Variants in FBN1 observed in about 807,000 individuals in gnomAD.
The protein encoded by FBN1 is fibrillin 1, also known as fibrillin-1.
Under a neutral mutation model 365.1 loss-of-function variants are expected in FBN1, and 29 were observed. That is an observed-to-expected ratio of 0.08 (90% CI 0.06 to 0.11). The LOEUF (loss-of-function observed/expected upper bound fraction) is 0.11. FBN1 is among the 10% of genes least tolerant of loss of function. The pLI is 1.00. For missense variants in FBN1, 2,476 were observed against 3,703.2 expected (o/e 0.67, Z 8.60); for synonymous variants, 1,210 against 1,270.5 (o/e 0.95, Z 1.01).
Position 48,409,779 on chromosome 15 carries a change from G to A in FBN1, c.*1211C>T, listed in dbSNP as rs2042845836. On this transcript the variant is annotated 3_prime_UTR_variant, in exon 66 of 66. Coordinates refer to ENST00000316623, the MANE Select transcript of FBN1 (RefSeq NM_000138.5). The stretch of plus-strand genomic sequence containing the variant: ...GTGCTCTAAGACAATGACTGAACTT[G>A]GTATTTAAGACTATTTAAAAGTCAC... The A allele has an allele frequency of 6.6e-6, 1 of 152,046 alleles. No homozygotes were observed. Among genetic ancestry groups the A allele is most frequent in the South Asian group, 2.1e-4 (1 of 4,826 alleles). 9.4% of individuals were successfully genotyped at this position (152,046 alleles called of 1,614,324 possible).
chr15:48,526,084 G>A (rs1472143632), intron 9 of FBN1, 46 bp downstream of exon 9: 1 of 1,611,994 alleles, frequency 6.2e-7, no homozygotes, highest in Non-Finnish European at 8.5e-7. Flanking sequence ...GTTTGTTATG[G>A]AACTGACTTA....
At chr15:48,431,383 G>A (rs1440417157) in intron 55 of FBN1, among the ~76,000 whole-genome samples, 1 of 151,730 alleles carries the variant, frequency 6.6e-6, no homozygotes, top group Non-Finnish European at 1.5e-5. Context: ...TTACAGGCAT[G>A]AGCCATCGTG....
intron 31 of FBN1, among the ~76,000 whole-genome samples, chr15:48,482,713 A>T (rs2043474607): frequency 6.6e-6 from 1 of 152,228 alleles, no homozygotes; most frequent in Admixed American, 6.5e-5. Flanking sequence ...TTCTGCAAGT[A>T]TTCAGATGAG....
At chr15:48,562,049 C>T (rs116629401) in intron 6 of FBN1, among the ~76,000 whole-genome samples, 13 of 152,224 alleles carry the variant, frequency 8.5e-5, no homozygotes, top group East Asian at 1.9e-4. Flanking sequence ...CCAATCATGA[C>T]GTAAGTTGTC....
chr15:48,534,700 C>G (rs775102282), intron 7 of FBN1, among the ~76,000 whole-genome samples: 1 of 152,158 alleles, frequency 6.6e-6, no homozygotes, highest in Non-Finnish European at 1.5e-5. Flanking sequence ...TCAGACTACA[C>G]GAGACAGCTA....
At chr15:48,450,065 C>T (rs1420987308) in intron 45 of FBN1, among the ~76,000 whole-genome samples, 2 of 152,204 alleles carry the variant, frequency 1.3e-5, no homozygotes, top group Non-Finnish European at 2.9e-5. Context: ...GGAACTACTA[C>T]TAGCCTATGC....
chr15:48,447,030 T>C lies in FBN1; in HGVS notation c.5672-208A>G, dbSNP rs1230680584. ...TAAATCTTGGGAATAAATGGTTTCC[T>C]TGGCTGGCCAGTGAAAGGAGGCAAG... On this transcript the variant is annotated intron_variant, in intron 46 of 65. Coordinates refer to ENST00000316623, the MANE Select transcript of FBN1 (RefSeq NM_000138.5). Among the ~76,000 whole-genome samples the C allele has an allele frequency of 2.0e-5, 3 of 152,270 alleles. No homozygotes were observed. In the East Asian group the frequency reaches 5.8e-4, roughly 29 times the overall value.
At chr15:48,628,865 T>C (rs1889934310) in intron 2 of FBN1, among the ~76,000 whole-genome samples, 1 of 152,062 alleles carries the variant, frequency 6.6e-6, no homozygotes, top group Non-Finnish European at 1.5e-5. Context: ...AGTAATGATG[T>C]CCCTCCTAAT....
chr15:48,579,099 C>A (rs1481156890), intron 6 of FBN1, among the ~76,000 whole-genome samples: 2 of 151,192 alleles, frequency 1.3e-5, no homozygotes, highest in African/African-American at 2.4e-5. Flanking sequence ...TGACCTTATA[C>A]CAAAGTGGTA....
At chr15:48,640,048 A>G (rs1890171559) in intron 2 of FBN1, among the ~76,000 whole-genome samples, 1 of 152,206 alleles carries the variant, frequency 6.6e-6, no homozygotes, top group Non-Finnish European at 1.5e-5. Flanking sequence ...TATATGCTAC[A>G]CAAGACGATA....
chr15:48,416,383 A>G (rs1311117830), intron 63 of FBN1, among the ~76,000 whole-genome samples: 1 of 152,160 alleles, frequency 6.6e-6, no homozygotes, highest in Non-Finnish European at 1.5e-5. Flanking sequence ...AAAAGCCCCC[A>G]GGTACCTGTT....
chr15:48,629,206 AGTG>A (rs1889939889), intron 2 of FBN1, among the ~76,000 whole-genome samples: 2 of 152,188 alleles, frequency 1.3e-5, no homozygotes, highest in Admixed American at 6.5e-5. Flanking sequence ...TGAACTAAAT[AGTG>A]TGCTTAGTGA....
intron 40 of FBN1, 106 bp downstream of exon 40, chr15:48,465,462 C>T (rs2043312952): frequency 7.4e-7 from 1 of 1,350,610 alleles, no homozygotes. Flanking sequence ...GTGTTTAGAA[C>T]ATTGTGCTAC....
chr15:48,509,573 T>G (rs1332905117), intron 14 of FBN1, among the ~76,000 whole-genome samples: 1 of 148,430 alleles, frequency 6.7e-6, no homozygotes, highest in Non-Finnish European at 1.5e-5. Flanking sequence ...ACATAATATA[T>G]ATACACATAT....
chr15:48,609,597 G>A (rs1441176017), intron 4 of FBN1, among the ~76,000 whole-genome samples: 2 of 152,224 alleles, frequency 1.3e-5, no homozygotes, highest in East Asian at 1.9e-4. Flanking sequence ...CAAACTGAGA[G>A]GCAAGGAAGC....
At chr15:48,563,188 G>A (rs930761381) in intron 6 of FBN1, among the ~76,000 whole-genome samples, 2 of 152,078 alleles carry the variant, frequency 1.3e-5, no homozygotes, top group Non-Finnish European at 2.9e-5. Context: ...ACTATTCTAG[G>A]CACTGAAGAT....
Position 48,496,146 on chromosome 15 carries a change from G to T in FBN1, c.2373C>A (p.Thr791=). The T allele has an allele frequency of 6.2e-7, 1 of 1,613,788 alleles. No homozygotes were observed. The highest frequency in any genetic ancestry group is 8.5e-7 in the Non-Finnish European group (1 of 1,179,820). Residue 791 remains threonine (T), a synonymous_variant, in exon 20 of 66, where the codon ACC becomes ACA. Transcript: ENST00000316623. ...CRNTPGSFVC[T]CPKGFIYKPD... ...GTTTGTAGATAAATCCCTTGGGGCA[G>T]GTACAGACAAAACTTCCAGGAGTAT...
intron 6 of FBN1, among the ~76,000 whole-genome samples, chr15:48,587,141 G>A (rs184570626): frequency 1.3e-5 from 2 of 152,184 alleles, no homozygotes; most frequent in East Asian, 1.9e-4. Flanking sequence ...GCACATCGTC[G>A]GGACCATGAA....
At chr15:48,473,258 T>TA (rs950888700) in intron 34 of FBN1, among the ~76,000 whole-genome samples, 19 of 151,714 alleles carry the variant, frequency 1.3e-4, no homozygotes, top group African/African-American at 4.1e-4. Context: ...TTTCAGGGAA[T>TA]AAAAAAAAAT....
Sources: allele counts gnomAD v4.1 joint callset (sites outside exome capture counted in the v4.1 genomes callset), GRCh38; gene constraint gnomAD v4.1.1; transcripts MANE v1.5; gene names NCBI Gene and HGNC (gene_info 2026-07-23, HGNC 2026-07-21).